The following NCAM1 variants were observed in gnomAD, a reference collection of about 807,000 sequenced individuals.
NCAM1 encodes the protein neural cell adhesion molecule 1, also known as antigen recognized by monoclonal antibody 5.1H11.
Under a neutral mutation model 109.8 loss-of-function variants are expected in NCAM1, and 14 were observed. That is an observed-to-expected ratio of 0.13 (90% CI 0.08 to 0.20). The LOEUF is 0.20. Among genes scored for constraint, NCAM1 ranks in the 10% least tolerant of loss-of-function variants. NCAM1 has a pLI of 1.00. For synonymous variants in NCAM1, 418 were observed against 442.9 expected, an observed-to-expected ratio of 0.94 and a Z score of 0.70; for missense variants, 774 against 1,109.9, an observed-to-expected ratio of 0.70 and a Z score of 4.30.
At chr11:112,989,626 A>T (rs2155282) in intron 1 of NCAM1, among the ~76,000 whole-genome samples, 68,604 of 151,974 alleles carry the variant, frequency 0.45, 16,356 homozygotes, top group East Asian at 0.8. Context: ...TCCATTTCTT[A>T]GGAGTTGATT....
intron 1 of NCAM1, among the ~76,000 whole-genome samples, chr11:113,074,115 CTT>C (rs1239541456): frequency 1.3e-5 from 2 of 152,164 alleles, no homozygotes; most frequent in Non-Finnish European, 2.9e-5. Flanking sequence ...TTTAAAATTA[CTT>C]TTTGGTGCTG....
At position 113,044,964 on chromosome 11, in the gene NCAM1, A is replaced by G. The variant is rs543218125; in HGVS notation, c.52+83300A>G. Among the ~76,000 whole-genome samples the G allele has an allele frequency of 8.8e-4, 134 of 152,044 alleles. 2 individuals carry two copies. Among genetic ancestry groups the G allele is most frequent in the South Asian group, 6.2e-4 (3 of 4,802 alleles). On this transcript the variant is annotated intron_variant, in intron 1 of 19. Transcript: ENST00000316851. ...AGAGACGGGGTTTCACCGTGTTAGC[A>G]AGGATGGTCTTGATCTTCTGACCTC...
chr11:113,243,337 G>T (rs1356567825), intron 14 of NCAM1, among the ~76,000 whole-genome samples: 1 of 152,172 alleles, frequency 6.6e-6, no homozygotes, highest in Non-Finnish European at 1.5e-5. Flanking sequence ...CTGACAGCAT[G>T]CCCGGCTTTG....
chr11:113,177,811 G>A (rs1197591930), intron 1 of NCAM1, among the ~76,000 whole-genome samples: 2 of 152,092 alleles, frequency 1.3e-5, no homozygotes, highest in Non-Finnish European at 2.9e-5. Context: ...TGGAGCCGCT[G>A]AGGTGGGACT....
intron 14 of NCAM1, chr11:113,235,434 A>G: frequency 1.4e-6 from 1 of 712,046 alleles, no homozygotes; most frequent in Non-Finnish European, 2.5e-6. Context: ...GAAGGCACCA[A>G]CACATTATTA....
intron 1 of NCAM1, among the ~76,000 whole-genome samples, chr11:113,137,336 T>C (rs1164289599): frequency 6.6e-6 from 1 of 152,230 alleles, no homozygotes; most frequent in Non-Finnish European, 1.5e-5. Flanking sequence ...TGGTAGTAAG[T>C]TATTTAAAAG....
intron 1 of NCAM1, among the ~76,000 whole-genome samples, chr11:113,100,621 G>A (rs1451079980): frequency 2.6e-5 from 4 of 152,048 alleles, no homozygotes; most frequent in South Asian, 2.1e-4. Flanking sequence ...ACTCCTTTCC[G>A]TTCAGCTGCC....
At position 113,273,963 on chromosome 11, in the gene NCAM1, T is replaced by C. The variant is rs1460137653; in HGVS notation, c.2457-1304T>C. On this transcript the variant is annotated intron_variant, in intron 19 of 19. Transcript: ENST00000316851. This position sits in a 1 kb window ranked among gnomAD's most constrained non-coding sequence, Gnocchi z 6.0. ...TGCTGGCTAATTAGGCCATGTTAAT[T>C]ATGTTTTATCCTTATCATCCTAGCA... 1 of 165,280 alleles carries C rather than the reference T, an allele frequency of 6.1e-6. No homozygotes were observed. Among genetic ancestry groups the C allele is most frequent in the Non-Finnish European group, 1.3e-5 (1 of 75,502 alleles). The allele number at this position is 165,280 out of a possible 1,614,324, so 10.2% of individuals were successfully genotyped here.
chr11:113,065,820 T>G (rs1937925326), intron 1 of NCAM1, among the ~76,000 whole-genome samples: 1 of 152,272 alleles, frequency 6.6e-6, no homozygotes, highest in East Asian at 1.9e-4. Context: ...AAAGGAAATT[T>G]GAATAATCTG....
rs1555126939 is a variant in NCAM1 at position 113,277,856 on chromosome 11, A to T, written c.*2469A>T. ...ATGCAAGAGTTTTTCCTTTAAAAAA[A>T]AAAAAAAAAAAAAAAAAAAAGCAAT... On this transcript the variant is annotated 3_prime_UTR_variant, in exon 20 of 20. Transcript: ENST00000316851. 6.7e-6 allele frequency: 1 copy of T among 148,314 alleles called. No homozygotes were observed. The highest frequency in any genetic ancestry group is 1.5e-5 in the Non-Finnish European group (1 of 67,128). The allele number at this position is 148,314 out of a possible 1,614,324, so 9.2% of individuals were successfully genotyped here.
intron 1 of NCAM1, among the ~76,000 whole-genome samples, chr11:113,175,582 C>T (rs913058975): frequency 6.6e-6 from 1 of 152,152 alleles, no homozygotes; most frequent in Non-Finnish European, 1.5e-5. Context: ...GCCTAAGCTT[C>T]CAGGGTATTG....
At chr11:113,118,724 T>C (rs2136012729) in intron 1 of NCAM1, among the ~76,000 whole-genome samples, 1 of 142,752 alleles carries the variant, frequency 7.0e-6, no homozygotes, top group Non-Finnish European at 1.5e-5. Context: ...TGTGAGTCTA[T>C]GGAAGACAAA....
At chr11:113,208,102 T>G in intron 7 of NCAM1, 100 bp downstream of exon 7, 2 of 1,336,966 alleles carry the variant, frequency 1.5e-6, no homozygotes, top group Non-Finnish European at 2.0e-6. Flanking sequence ...CCTCAGAACA[T>G]AACCCAATGC....
intron 1 of NCAM1, among the ~76,000 whole-genome samples, chr11:113,147,680 C>T (rs146561723): frequency 1.6e-4 from 25 of 152,316 alleles, no homozygotes; most frequent in African/African-American, 5.3e-4. Context: ...TCTACAAATA[C>T]GTAACACAGC....
chr11:113,138,378 C>T (rs1941688219), intron 1 of NCAM1, among the ~76,000 whole-genome samples: 1 of 152,192 alleles, frequency 6.6e-6, no homozygotes. Flanking sequence ...TGGAGCAAGA[C>T]TCATGGGCTT....
intron 1 of NCAM1, among the ~76,000 whole-genome samples, chr11:113,008,083 A>C (rs1305678213): frequency 6.6e-6 from 1 of 152,242 alleles, no homozygotes; most frequent in Non-Finnish European, 1.5e-5. Flanking sequence ...TGCATCTTAC[A>C]ACACATGGAG....
intron 1 of NCAM1, among the ~76,000 whole-genome samples, chr11:113,056,524 T>C (rs1953719415): frequency 6.6e-6 from 1 of 152,182 alleles, no homozygotes; most frequent in Admixed American, 6.5e-5. Context: ...TATATATCAA[T>C]TTTAAAAGAC....
intron 1 of NCAM1, among the ~76,000 whole-genome samples, chr11:113,132,625 TGTGTGTGTGTGTGTGTGTG>T (rs1207297327): frequency 2.7e-5 from 4 of 147,534 alleles, no homozygotes; most frequent in Non-Finnish European, 6.0e-5. Context: ...TGTGTGTGTG[TGTGTGTGTGTGTGTGTGTG>T]TGTGTGTCAG....
Position 113,207,890 on chromosome 11 carries a change from T to C in NCAM1, c.804T>C (p.Asp268=), listed in dbSNP as rs782747039. 35 of 1,612,158 alleles carry C rather than the reference T, an allele frequency of 2.2e-5. 1 individual carries two copies. The South Asian group carries it at 3.0e-4, about 14-fold the overall frequency. The stretch of plus-strand genomic sequence containing the variant: ...ATGAGAAGTACATCTTCAGCGACGA[T>C]AGTTCCCAGCTGACCATCAAAAAGG... The part of the protein sequence containing the change: ...EDDEKYIFSD[D]SSQLTIKKVD... Residue 268 remains aspartate, a synonymous_variant, in exon 7 of 20, where the codon GAT becomes GAC. Transcript: ENST00000316851.
Sources: allele counts gnomAD v4.1 joint callset (sites outside exome capture counted in the v4.1 genomes callset), GRCh38; gene constraint gnomAD v4.1.1; non-coding constraint Gnocchi (gnomAD v3.1); transcripts MANE v1.5; gene names NCBI Gene and HGNC (gene_info 2026-07-23, HGNC 2026-07-21).